The following SGCD variants were observed in gnomAD, a reference collection of about 807,000 sequenced individuals.
The protein encoded by SGCD is delta-sarcoglycan.
In SGCD, 18 loss-of-function variants were observed where a neutral mutation model predicts 36.6. The ratio of observed to expected loss-of-function variants is 0.49; its 90% CI spans 0.34 to 0.73. The LOEUF is 0.73. SGCD is among the 30% of genes least tolerant of loss of function. The pLI is 0.01. For synonymous variants in SGCD, 133 were observed against 130.6 expected, an observed-to-expected ratio of 1.02 and a Z score of -0.12; for missense variants, 387 against 346.7, an observed-to-expected ratio of 1.12 and a Z score of -0.92.
the SGCD span, among the ~76,000 whole-genome samples, chr5:155,764,537 C>G: frequency 6.6e-6 from 1 of 152,112 alleles, no homozygotes; most frequent in Non-Finnish European, 1.5e-5. Flanking sequence ...TCAGGAGGCA[C>G]TTTTCATGGC....
chr5:156,719,189 G>T (rs1416699625), intron 7 of SGCD, among the ~76,000 whole-genome samples: 1 of 152,076 alleles, frequency 6.6e-6, no homozygotes, highest in Non-Finnish European at 1.5e-5. Flanking sequence ...CCAGCAGGTG[G>T]AGACCCAAGA....
At chr5:156,280,140 A>C (rs1188501168) in intron 3 of SGCD, among the ~76,000 whole-genome samples, 1 of 152,034 alleles carries the variant, frequency 6.6e-6, no homozygotes, top group Non-Finnish European at 1.5e-5. Flanking sequence ...AACAGTATGC[A>C]TTTTTGCCTG....
At chr5:156,466,849 A>G (rs181508096) in intron 3 of SGCD, among the ~76,000 whole-genome samples, 8 of 152,296 alleles carry the variant, frequency 5.3e-5, no homozygotes, top group Admixed American at 1.3e-4. Context: ...ATTTATACCA[A>G]TGTAGTCATA....
chr5:156,037,972 A>G (rs183578443), intron 1 of SGCD, among the ~76,000 whole-genome samples: 1 of 152,308 alleles, frequency 6.6e-6, no homozygotes, highest in East Asian at 1.9e-4. Context: ...TCAAAGGTTA[A>G]TGAGCCCCCT....
intron 1 of SGCD, among the ~76,000 whole-genome samples, chr5:156,000,663 G>T (rs1426269340): frequency 6.6e-6 from 1 of 151,134 alleles, no homozygotes. Flanking sequence ...CCTTACCCCT[G>T]CCCCACCCCA....
chr5:156,052,189 T>C (rs1426498714), intron 1 of SGCD, among the ~76,000 whole-genome samples: 1 of 146,022 alleles, frequency 6.8e-6, no homozygotes, highest in Admixed American at 6.8e-5. Context: ...GCTGCAAATG[T>C]CGTGAACTTC....
rs116207759 is a variant in SGCD at position 156,542,326 on chromosome 5, C to G, written c.294+33624C>G. Among the ~76,000 whole-genome samples, 474 of 152,274 alleles carry G rather than the reference C, an allele frequency of 3.1e-3. 4 individuals carry two copies. Among genetic ancestry groups the G allele is most frequent in the African/African-American group, 0.011 (454 of 41,554 alleles). ...ATAAAACCCCACCACTCTTTTTGGT[C>G]TTAATCCAACCACTTCCGCTATTTA... On this transcript the variant is annotated intron_variant, in intron 4 of 8. Coordinates refer to ENST00000337851, the MANE Select transcript of SGCD (RefSeq NM_000337.6).
At chr5:155,961,065 C>CT (rs1345084100) in intron 1 of SGCD, among the ~76,000 whole-genome samples, 1 of 151,970 alleles carries the variant, frequency 6.6e-6, no homozygotes, top group African/African-American at 2.4e-5. Flanking sequence ...TTTGTTACAA[C>CT]TTTTTTTTCT....
the SGCD span, among the ~76,000 whole-genome samples, chr5:155,764,841 A>C: frequency 6.6e-6 from 1 of 152,194 alleles, no homozygotes; most frequent in Non-Finnish European, 1.5e-5. Flanking sequence ...GGGGGGAGGC[A>C]GAGGAAATCA....
At chr5:156,738,840 C>G (rs1303648996) in intron 7 of SGCD, among the ~76,000 whole-genome samples, 1 of 152,204 alleles carries the variant, frequency 6.6e-6, no homozygotes, top group African/African-American at 2.4e-5. Flanking sequence ...ACACCAATAT[C>G]TCTTTTGAAC....
intron 4 of SGCD, among the ~76,000 whole-genome samples, chr5:156,585,183 C>T (rs10071215): frequency 0.031 from 4,767 of 152,180 alleles, 175 homozygotes; most frequent in African/African-American, 0.079. Context: ...AAGAGCTTCA[C>T]AGTGTAGCTT....
chr5:156,022,351 A>C (rs552879380), intron 1 of SGCD, among the ~76,000 whole-genome samples: 2 of 152,256 alleles, frequency 1.3e-5, no homozygotes, highest in Non-Finnish European at 2.9e-5. Flanking sequence ...AAACAGTAGA[A>C]ATGTGAAATT....
At chr5:156,508,378 T>G (rs940602614) in intron 3 of SGCD, among the ~76,000 whole-genome samples, 1 of 152,088 alleles carries the variant, frequency 6.6e-6, no homozygotes, top group Admixed American at 6.6e-5. Flanking sequence ...GCATTACAAA[T>G]TGCTTGGAAT....
chr5:155,822,124 G>A, the SGCD span, among the ~76,000 whole-genome samples: 1 of 152,212 alleles, frequency 6.6e-6, no homozygotes, highest in East Asian at 1.9e-4. Context: ...TCACAATCCA[G>A]TGAGGAGAGA....
chr5:155,978,328 G>A (rs1263027180), intron 1 of SGCD, among the ~76,000 whole-genome samples: 1 of 152,206 alleles, frequency 6.6e-6, no homozygotes, highest in Non-Finnish European at 1.5e-5. Context: ...CTGGACCAGG[G>A]CCCAAGGATC....
At chr5:156,140,740 A>G (rs1452695007) in intron 3 of SGCD, among the ~76,000 whole-genome samples, 1 of 152,222 alleles carries the variant, frequency 6.6e-6, no homozygotes, top group African/African-American at 2.4e-5. Flanking sequence ...CAGCCTAGTA[A>G]TATAAAGAAT....
At chr5:156,674,240 A>G (rs899945238) in intron 7 of SGCD, among the ~76,000 whole-genome samples, 5 of 152,220 alleles carry the variant, frequency 3.3e-5, no homozygotes, top group Admixed American at 2.0e-4. Flanking sequence ...TTTCATGGCT[A>G]ATTGTAAAGC....
chr5:155,795,891 A>G, the SGCD span, among the ~76,000 whole-genome samples: 1 of 152,168 alleles, frequency 6.6e-6, no homozygotes, highest in Non-Finnish European at 1.5e-5. Context: ...GTAAAGAGGA[A>G]TAGTACATAA....
At chr5:156,120,527 C>T (rs145299868) in intron 2 of SGCD, among the ~76,000 whole-genome samples, 225 of 152,190 alleles carry the variant, frequency 1.5e-3, no homozygotes, top group African/African-American at 4.9e-3. Flanking sequence ...TACCATATCC[C>T]CAGTCTTTAA....
Sources: gnomAD v4.1 joint callset for allele counts (sites outside exome capture counted in the v4.1 genomes callset) on GRCh38, gnomAD v4.1.1 for gene constraint, MANE v1.5 for transcripts, NCBI Gene and HGNC (gene_info 2026-07-23, HGNC 2026-07-21) for gene names.